The following HK1 variants were observed in gnomAD, a reference collection of about 807,000 sequenced individuals.
HK1 encodes hexokinase 1.
A neutral mutation model predicts 91.6 loss-of-function variants in HK1; 28 were observed. The ratio of observed to expected loss-of-function variants is 0.31; its 90% confidence interval spans 0.23 to 0.42. HK1 has a LOEUF of 0.42. HK1 is among the 10% of genes least tolerant of loss of function. The probability of loss-of-function intolerance (pLI) is 1.00; values close to 1 mark genes in which losing one functional copy is unlikely to be tolerated. For missense variants in HK1, 770 were observed against 1,219.8 expected (o/e 0.63, Z 5.49); for synonymous variants, 430 against 468.1 (o/e 0.92, Z 1.05).
At chr10:69,385,723 C>CA (rs1839602052) in intron 12 of HK1, among the ~76,000 whole-genome samples, 1 of 152,146 alleles carries the variant, frequency 6.6e-6, no homozygotes, top group Non-Finnish European at 1.5e-5. Flanking sequence ...CCAGTTAATC[C>CA]AGTTACATCG....
At chr10:69,362,956 T>A (rs1032022665) in intron 3 of HK1, among the ~76,000 whole-genome samples, 3 of 152,196 alleles carry the variant, frequency 2.0e-5, no homozygotes, top group African/African-American at 7.2e-5. Flanking sequence ...CCAGGCGTTC[T>A]ATTACTCTGG....
upstream of HK1, among the ~76,000 whole-genome samples, chr10:69,313,163 C>T (rs1237072266): frequency 6.6e-6 from 1 of 152,190 alleles, no homozygotes; most frequent in Non-Finnish European, 1.5e-5. Context: ...CTCATCCCAG[C>T]CCTAATAATG....
intron 11 of HK1, 86 bp from the exon 12 acceptor site, chr10:69,384,706 CGTGT>C: frequency 3.3e-6 from 5 of 1,528,282 alleles, no homozygotes; most frequent in Non-Finnish European, 3.6e-6. Flanking sequence ...TGTTTTCCTA[CGTGT>C]GTGTGTGTAT....
At chr10:69,330,942 C>T (rs1273240692) in intron 1 of HK1, among the ~76,000 whole-genome samples, 1 of 150,760 alleles carries the variant, frequency 6.6e-6, no homozygotes, top group East Asian at 2.0e-4. Flanking sequence ...TGCAGTGGTG[C>T]AGTCTCGGCT....
intron 2 of HK1, among the ~76,000 whole-genome samples, chr10:69,351,821 T>G (rs1194361549): frequency 6.6e-6 from 1 of 152,156 alleles, no homozygotes; most frequent in Non-Finnish European, 1.5e-5. Context: ...AGTACTGACT[T>G]CATAGGGTTG....
intron 2 of HK1, among the ~76,000 whole-genome samples, chr10:69,351,977 A>C (rs140070376): frequency 6.6e-6 from 1 of 150,858 alleles, no homozygotes; most frequent in African/African-American, 2.5e-5. Context: ...ACTGAATTCA[A>C]TTTTTTCAGT....
intron 2 of HK1, among the ~76,000 whole-genome samples, chr10:69,351,558 A>G (rs1443940148): frequency 1.3e-5 from 2 of 152,168 alleles, no homozygotes; most frequent in African/African-American, 2.4e-5. Flanking sequence ...ACCCAAAGCT[A>G]TAAGGAATCA....
At chr10:69,314,731 A>G (rs759297051), upstream of HK1, among the ~76,000 whole-genome samples, 2 of 151,370 alleles carry the variant, frequency 1.3e-5, no homozygotes, top group Non-Finnish European at 2.9e-5. Context: ...GCAGTGGCAC[A>G]ATCTTGGCTC....
At chr10:69,366,079 C>T (rs1331613794) in intron 4 of HK1, among the ~76,000 whole-genome samples, 1 of 152,116 alleles carries the variant, frequency 6.6e-6, no homozygotes, top group Non-Finnish European at 1.5e-5. Context: ...GATCCGCCTG[C>T]CTCGGCCCCT....
In HK1 at chr10:69,342,167, A is replaced by AAACG. The variant is rs1448039336; in HGVS notation, c.64-1657_64-1656insGAAC. The stretch of plus-strand genomic sequence containing the variant: ...TGAAAAAAAAACCAACCCCAAAAAC[A>AAACG]AACAAACAAACAAACAAACAAACAA... On this transcript the variant is annotated intron_variant, in intron 1 of 17. Coordinates refer to ENST00000359426, the MANE Select transcript of HK1 (RefSeq NM_000188.3). Among the ~76,000 whole-genome samples, 21 of 91,418 alleles carry AAACG rather than the reference A, an allele frequency of 2.3e-4. No homozygotes were observed. The East Asian group carries it at 5.8e-3, about 25-fold the overall frequency. 60.0% of individuals were successfully genotyped at this position (91,418 alleles called of 152,430 possible).
chr10:69,364,239 T>C (rs1185698152), intron 3 of HK1, among the ~76,000 whole-genome samples: 1 of 152,232 alleles, frequency 6.6e-6, no homozygotes, highest in African/African-American at 2.4e-5. Context: ...CAGTGAACTC[T>C]GCACTTAGGA....
chr10:69,364,783 C>G lies in HK1; in HGVS notation c.376C>G (p.Leu126Val). 1 of 1,614,174 alleles carries G rather than the reference C, an allele frequency of 6.2e-7. No homozygotes were observed. Among genetic ancestry groups the G allele is most frequent in the East Asian group, 2.2e-5 (1 of 44,882 alleles). Residue 126 changes from leucine (L) to valine (V), a missense_variant and splice_region_variant, in exon 4 of 18, where the codon CTT becomes GTT. This residue lies in a region of HK1 where 449 missense variants were observed against 665.1 expected (regional missense o/e 0.68). Transcript: ENST00000359426. Reference sequence around the variant, plus strand: ...CTGACTGCTCTCATGTTTCCTTCAGCTTTTTGATCATGTTGCTGAGTGCCT... The same window carrying G: ...CTGACTGCTCTCATGTTTCCTTCAGGTTTTTGATCATGTTGCTGAGTGCCT... ...ENIVHGSGSQ[L>V]FDHVAECLGD...
intron 2 of HK1, among the ~76,000 whole-genome samples, chr10:69,352,637 C>G (rs1053017155): frequency 2.6e-5 from 4 of 152,154 alleles, no homozygotes; most frequent in African/African-American, 9.7e-5. Context: ...TAATATTATA[C>G]AATTCCACTT....
At chr10:69,375,062 C>T (rs1222583463) in intron 7 of HK1, among the ~76,000 whole-genome samples, 1 of 152,118 alleles carries the variant, frequency 6.6e-6, no homozygotes, top group African/African-American at 2.4e-5. Flanking sequence ...TGGATTGCCA[C>T]TTGTTAGCCC....
intron 7 of HK1, among the ~76,000 whole-genome samples, chr10:69,370,481 A>C (rs907469021): frequency 1.3e-5 from 2 of 152,236 alleles, no homozygotes; most frequent in Non-Finnish European, 2.9e-5. Flanking sequence ...GTTGCTGTTC[A>C]TGGTAAGAGA....
chr10:69,286,953 C>T (rs889199983), intron 2 of HK1, among the ~76,000 whole-genome samples: 4 of 152,136 alleles, frequency 2.6e-5, no homozygotes, highest in Admixed American at 2.6e-4. Flanking sequence ...CGCTTTCAGC[C>T]AGGGCTCTCC....
At chr10:69,287,357 G>A (rs1162889259) in intron 2 of HK1, among the ~76,000 whole-genome samples, 3 of 152,090 alleles carry the variant, frequency 2.0e-5, no homozygotes, top group African/African-American at 7.2e-5. Flanking sequence ...GGGGGGAACC[G>A]CCCCCATGAT....
chr10:69,317,524 T>C (rs1393086695), upstream of HK1, among the ~76,000 whole-genome samples: 1 of 152,154 alleles, frequency 6.6e-6, no homozygotes, highest in African/African-American at 2.4e-5. Flanking sequence ...GGCTAGGGAC[T>C]CCTAAAGTCA....
intron 14 of HK1, among the ~76,000 whole-genome samples, chr10:69,390,155 G>T (rs1235149481): frequency 6.6e-6 from 1 of 152,196 alleles, no homozygotes; most frequent in African/African-American, 2.4e-5. Flanking sequence ...GCCACTTTTC[G>T]CTTCTGTTGA....
Sources: gnomAD v4.1 joint callset for allele counts (sites outside exome capture counted in the v4.1 genomes callset) on GRCh38, gnomAD v4.1.1 for gene constraint, gnomAD v4.1.1 regional missense constraint, MANE v1.5 for transcripts, NCBI Gene and HGNC (gene_info 2026-07-23, HGNC 2026-07-21) for gene names.